The following STX5 variants were observed in gnomAD, a reference collection of about 807,000 sequenced individuals.
The protein encoded by STX5 is syntaxin-5.
Under a neutral mutation model 42.9 loss-of-function variants are expected in STX5, and 15 were observed. The ratio of observed to expected loss-of-function variants is 0.35; its 90% CI spans 0.23 to 0.54. The LOEUF is 0.54. Ranked by LOEUF, STX5 falls within the 20% of genes least tolerant of loss-of-function variation. The probability of loss-of-function intolerance (pLI) is 0.91; values close to 1 mark genes in which losing one functional copy is unlikely to be tolerated. For missense variants in STX5, 430 were observed against 455.0 expected (o/e 0.95, Z 0.50); for synonymous variants, 184 against 173.2 (o/e 1.06, Z -0.49).
chr11:62,808,763 C>G (rs1213581579), intron 10 of STX5, among the ~76,000 whole-genome samples: 3 of 152,106 alleles, frequency 2.0e-5, no homozygotes, highest in African/African-American at 7.2e-5. Context: ...GCACCTTGAA[C>G]AAGTGATTAA....
chr11:62,828,783 T>C (rs2084823681), intron 2 of STX5, among the ~76,000 whole-genome samples: 1 of 151,152 alleles, frequency 6.6e-6, no homozygotes, highest in Non-Finnish European at 1.5e-5. Context: ...ATACAGTTAC[T>C]TGGCCAGGTG....
chr11:62,828,000 T>C (rs1190006832), intron 2 of STX5, among the ~76,000 whole-genome samples: 1 of 150,674 alleles, frequency 6.6e-6, no homozygotes, highest in Non-Finnish European at 1.5e-5. Context: ...ACTAAATAAA[T>C]GGTATCTAGT....
At chr11:62,818,949 G>C (rs1251134357) in intron 10 of STX5, among the ~76,000 whole-genome samples, 1 of 152,032 alleles carries the variant, frequency 6.6e-6, no homozygotes, top group African/African-American at 2.4e-5. Flanking sequence ...GCCGGGTGCG[G>C]TGGCTCGTGC....
In STX5 at chr11:62,824,690, CCT is replaced by C. The variant is rs1368009754; in HGVS notation, c.680-127_680-126del. On this transcript the variant is annotated intron_variant, in intron 8 of 10. Transcript: ENST00000294179. The stretch of plus-strand genomic sequence containing the variant: ...TTGTGACCCTGGACAGGTCATTTAA[CCT>C]CTCTGAGCCTCAGTTTCCTCACCTG... 8.5e-6 allele frequency: 7 copies of C among 821,112 alleles called. No individual in the cohort carries two copies. The Admixed American group carries it at 1.4e-4, about 17-fold the overall frequency. The allele number at this position is 821,112 out of a possible 1,614,324, so 50.9% of individuals were successfully genotyped here.
intron 10 of STX5, among the ~76,000 whole-genome samples, chr11:62,813,809 C>T (rs2084643270): frequency 6.6e-6 from 1 of 152,158 alleles, no homozygotes; most frequent in Admixed American, 6.6e-5. Flanking sequence ...TGCCGCTCCA[C>T]CCCGAGCATT....
intron 10 of STX5, among the ~76,000 whole-genome samples, chr11:62,823,570 G>T (rs1421121125): frequency 6.6e-6 from 1 of 151,860 alleles, no homozygotes; most frequent in East Asian, 1.9e-4. Flanking sequence ...TTTTGACACA[G>T]AATCTGGCTC....
At chr11:62,831,652 G>C (rs755516882) in intron 1 of STX5, among the ~76,000 whole-genome samples, 1 of 152,180 alleles carries the variant, frequency 6.6e-6, no homozygotes, top group African/African-American at 2.4e-5. Flanking sequence ...GACCTCCAAA[G>C]ACTGACACAC....
At chr11:62,817,545 T>C (rs752021920) in intron 10 of STX5, among the ~76,000 whole-genome samples, 10 of 152,122 alleles carry the variant, frequency 6.6e-5, no homozygotes, top group Non-Finnish European at 1.5e-4. Context: ...TACGATAAAA[T>C]CCTCAATTAG....
chr11:62,811,734 G>T (rs1005050991), intron 10 of STX5, among the ~76,000 whole-genome samples: 1 of 150,474 alleles, frequency 6.6e-6, no homozygotes, highest in African/African-American at 2.5e-5. Flanking sequence ...CAAGTAATCT[G>T]CCTCGGCCTC....
chr11:62,812,505 G>C lies in STX5; in HGVS notation c.909-4877C>G, dbSNP rs1291011025. 4.0e-5 allele frequency among the ~76,000 whole-genome samples: 6 copies of C among 151,812 alleles called. No homozygotes were observed. The South Asian group carries it at 8.3e-4, about 21-fold the overall frequency. ...GTGATCTGGGCTCACTGCAAGCTCC[G>C]CCTCCTGGGTTCACGCCATTCTCCT... On this transcript the variant is annotated intron_variant, in intron 10 of 10. Coordinates refer to ENST00000294179, the MANE Select transcript of STX5 (RefSeq NM_003164.5).
chr11:62,826,283 C>G (rs896094223), intron 5 of STX5, among the ~76,000 whole-genome samples: 1 of 149,914 alleles, frequency 6.7e-6, no homozygotes, highest in Non-Finnish European at 1.5e-5. Context: ...ATTGGCCTGG[C>G]GCGGTGGCTC....
chr11:62,812,474 T>A (rs2084628143), intron 10 of STX5, among the ~76,000 whole-genome samples: 1 of 151,428 alleles, frequency 6.6e-6, no homozygotes, highest in African/African-American at 2.4e-5. Context: ...TGCAGTGGCG[T>A]GTGGCGTGAT....
At position 62,825,135 on chromosome 11, in the gene STX5, C is replaced by T. The variant is rs757397453; in HGVS notation, c.598-18G>A. On this transcript the variant is annotated intron_variant, in intron 7 of 10. Coordinates refer to ENST00000294179, the MANE Select transcript of STX5 (RefSeq NM_003164.5). The stretch of plus-strand genomic sequence containing the variant: ...TTCAGGTTCTGGGGTTGGGGAAAAA[C>T]GCAAAGGACCTGAAGCCACTAGAAA... The T allele has an allele frequency of 3.7e-6, 6 of 1,612,418 alleles. No individual in the cohort carries two copies. Among genetic ancestry groups the T allele is most frequent in the Admixed American group, 1.7e-5 (1 of 60,016 alleles).
chr11:62,828,045 A>C (rs1336968254), intron 2 of STX5, among the ~76,000 whole-genome samples: 1 of 150,656 alleles, frequency 6.6e-6, no homozygotes, highest in East Asian at 1.9e-4. Flanking sequence ...GGAAATCAAT[A>C]AGGATGATTG....
chr11:62,829,319 G>C (rs780847096), intron 2 of STX5, among the ~76,000 whole-genome samples: 1 of 152,134 alleles, frequency 6.6e-6, no homozygotes, highest in African/African-American at 2.4e-5. Flanking sequence ...AGCTACTTGG[G>C]AGGCTGAGGC....
At chr11:62,822,505 G>A (rs1160666408) in intron 10 of STX5, among the ~76,000 whole-genome samples, 1 of 152,170 alleles carries the variant, frequency 6.6e-6, no homozygotes, top group Non-Finnish European at 1.5e-5. Context: ...CCCAGCTGCA[G>A]TAGTCTCTGC....
At chr11:62,813,848 T>C (rs2084643691) in intron 10 of STX5, among the ~76,000 whole-genome samples, 1 of 152,164 alleles carries the variant, frequency 6.6e-6, no homozygotes, top group Non-Finnish European at 1.5e-5. Context: ...TTCCCACCTA[T>C]CGCCAGCTCC....
chr11:62,817,591 C>T (rs541702768), intron 10 of STX5, among the ~76,000 whole-genome samples: 96 of 152,276 alleles, frequency 6.3e-4, no homozygotes, highest in African/African-American at 2.2e-3. Context: ...GTGACCCATA[C>T]AGAAGAGAAA....
At position 62,824,551 on chromosome 11, in the gene STX5, C is replaced by T. The variant is rs531466952; in HGVS notation, c.694G>A (p.Val232Ile). The stretch of plus-strand genomic sequence containing the variant: ...GAGGCATGGGACTCTGCCCCCAGAA[C>T]CACAGCACCACCGCCTGGGGGAGAA... ...APNHLGGGAVVLGAESHASKD... is the reference protein window; with the variant it reads ...APNHLGGGAVILGAESHASKD... The change falls in exon 9 of 11, where the codon GTT (valine) becomes ATT (isoleucine). Residue 232 changes from valine (V) to isoleucine (I), a missense_variant. Coordinates refer to ENST00000294179, the MANE Select transcript of STX5 (RefSeq NM_003164.5). 1.2e-6 allele frequency: 2 copies of T among 1,614,014 alleles called. No individual in the cohort carries two copies. Among genetic ancestry groups the T allele is most frequent in the Non-Finnish European group, 1.7e-6 (2 of 1,180,028 alleles).
Sources: gnomAD v4.1 joint callset for allele counts (sites outside exome capture counted in the v4.1 genomes callset) on GRCh38, gnomAD v4.1.1 for gene constraint, MANE v1.5 for transcripts, NCBI Gene and HGNC (gene_info 2026-07-23, HGNC 2026-07-21) for gene names.